The following MKLN1 variants were observed in gnomAD, a reference collection of about 807,000 sequenced individuals.
The protein encoded by MKLN1 is muskelin 1, also known as muskelin.
A neutral mutation model predicts 99.0 loss-of-function variants in MKLN1; 18 were observed. The observed-to-expected ratio is 0.18, with a 90% CI of 0.13 to 0.27. The LOEUF (loss-of-function observed/expected upper bound fraction) is 0.27, where lower values mean the gene tolerates loss of function less well. MKLN1 is among the 10% of genes least tolerant of loss of function. The pLI, the probability that MKLN1 is intolerant of heterozygous loss-of-function variation, is 1.00. For synonymous variants in MKLN1, 288 were observed against 293.2 expected (o/e 0.98, Z 0.18); for missense variants, 621 against 875.9 (o/e 0.71, Z 3.67).
intron 3 of MKLN1, among the ~76,000 whole-genome samples, chr7:131,252,110 AAATTAT>A (rs1302219934): frequency 6.6e-6 from 1 of 152,046 alleles, no homozygotes; most frequent in African/African-American, 2.4e-5. Flanking sequence ...CTTTTTTCAC[AAATTAT>A]ATATAGGCCA....
intron 15 of MKLN1, among the ~76,000 whole-genome samples, chr7:131,468,466 TTTG>T (rs1796720428): frequency 6.6e-6 from 1 of 152,190 alleles, no homozygotes; most frequent in Non-Finnish European, 1.5e-5. Context: ...TTATTTTTGT[TTTG>T]TTCGTAATGG....
chr7:131,173,545 C>A (rs1796246856), intron 2 of MKLN1, among the ~76,000 whole-genome samples: 1 of 152,142 alleles, frequency 6.6e-6, no homozygotes, highest in Non-Finnish European at 1.5e-5. Context: ...TTAGTGAAAC[C>A]CCATTTCTAC....
intron 1 of MKLN1, among the ~76,000 whole-genome samples, chr7:131,141,149 C>A (rs1795726886): frequency 6.6e-6 from 1 of 152,120 alleles, no homozygotes; most frequent in South Asian, 2.1e-4. Context: ...CTCCTACACA[C>A]CCTCCCAGGG....
chr7:131,289,328 A>T (rs1798180570), intron 3 of MKLN1, among the ~76,000 whole-genome samples: 1 of 152,322 alleles, frequency 6.6e-6, no homozygotes, highest in Non-Finnish European at 1.5e-5. Flanking sequence ...AAGGATGGTT[A>T]TTAAAACCTA....
intron 2 of MKLN1, among the ~76,000 whole-genome samples, chr7:131,385,644 C>A (rs921847821): frequency 6.6e-6 from 1 of 152,024 alleles, no homozygotes; most frequent in Admixed American, 6.5e-5. Flanking sequence ...TTTTCATGTG[C>A]CTGTTGGCCA....
At chr7:131,290,485 C>G (rs1294421557) in intron 3 of MKLN1, among the ~76,000 whole-genome samples, 1 of 152,178 alleles carries the variant, frequency 6.6e-6, no homozygotes, top group African/African-American at 2.4e-5. Context: ...TGATGTATCC[C>G]AGGTGCCTAG....
intron 2 of MKLN1, among the ~76,000 whole-genome samples, chr7:131,384,571 T>G (rs920866648): frequency 6.6e-6 from 1 of 152,172 alleles, no homozygotes; most frequent in African/African-American, 2.4e-5. Context: ...CCTCCAGAAC[T>G]ATGAGAAAAT....
chr7:131,315,887 C>T (rs1339018530), intron 3 of MKLN1, among the ~76,000 whole-genome samples: 1 of 152,220 alleles, frequency 6.6e-6, no homozygotes, highest in Non-Finnish European at 1.5e-5. Context: ...GCAAAGGTAA[C>T]AGCCCCAGTC....
chr7:131,150,289 C>A (rs1376303137), intron 2 of MKLN1, among the ~76,000 whole-genome samples: 2 of 152,126 alleles, frequency 1.3e-5, no homozygotes, highest in African/African-American at 4.8e-5. Flanking sequence ...ATAATGATTT[C>A]AAGCCTAGGC....
At chr7:131,208,133 C>A (rs1018785686) in intron 3 of MKLN1, among the ~76,000 whole-genome samples, 1 of 152,096 alleles carries the variant, frequency 6.6e-6, no homozygotes, top group Non-Finnish European at 1.5e-5. Flanking sequence ...TTGATAACTG[C>A]ACTGAAAGAG....
At chr7:131,274,588 G>A (rs1179613712) in intron 3 of MKLN1, among the ~76,000 whole-genome samples, 1 of 144,576 alleles carries the variant, frequency 6.9e-6, no homozygotes, top group Non-Finnish European at 1.5e-5. Context: ...AGGCTGCAGT[G>A]AACCATGATT....
chr7:131,241,469 G>A (rs1438612218), intron 3 of MKLN1, among the ~76,000 whole-genome samples: 1 of 151,544 alleles, frequency 6.6e-6, no homozygotes, highest in Non-Finnish European at 1.5e-5. Flanking sequence ...CACTTTGGGA[G>A]GCCAAGGTGG....
intron 1 of MKLN1, among the ~76,000 whole-genome samples, chr7:131,127,956 G>C (rs776827215): frequency 2.3e-4 from 35 of 152,094 alleles, no homozygotes; most frequent in Non-Finnish European, 4.6e-4. Context: ...AAGTAACCAG[G>C]GAAAAAGGGA....
intron 12 of MKLN1, among the ~76,000 whole-genome samples, chr7:131,461,785 A>G (rs574887573): frequency 1.4e-4 from 21 of 152,204 alleles, no homozygotes; most frequent in Non-Finnish European, 2.2e-4. Context: ...GATCATGACA[A>G]TTATGTTGTG....
At chr7:131,373,494 T>C (rs1793532440) in intron 1 of MKLN1, among the ~76,000 whole-genome samples, 1 of 152,170 alleles carries the variant, frequency 6.6e-6, no homozygotes, top group African/African-American at 2.4e-5. Flanking sequence ...GGCAGTTCTT[T>C]TCCATACACT....
intron 3 of MKLN1, among the ~76,000 whole-genome samples, chr7:131,248,074 A>ATTATTTAT (rs71527998): frequency 4.0e-4 from 23 of 57,254 alleles, no homozygotes; most frequent in Non-Finnish European, 7.3e-4. Flanking sequence ...AATTACATTT[A>ATTATTTAT]TTATTTATTT....
chr7:131,191,250 A>G (rs1016735637), intron 2 of MKLN1, among the ~76,000 whole-genome samples: 8 of 152,214 alleles, frequency 5.3e-5, no homozygotes, highest in Admixed American at 3.9e-4. Flanking sequence ...GGATCTCTTG[A>G]GATGTGGGAA....
At position 131,255,010 on chromosome 7, in the gene MKLN1, G is replaced by T. The variant is rs532457988; in HGVS notation, c.-179+52036G>T. 7.2e-5 allele frequency among the ~76,000 whole-genome samples: 11 copies of T among 152,120 alleles called. No homozygotes were observed. The East Asian group carries it at 7.7e-4, about 11-fold the overall frequency. On this transcript the variant is annotated intron_variant, in intron 3 of 7. Transcript: ENST00000416992. ...GGGCTCAAGGGATCCTCCTTCCTCA[G>T]CCTCCAGAGCTGGGAATACAGGCAT...
In MKLN1 at chr7:131,490,373, A is replaced by C. The variant is rs1172326464; in HGVS notation, c.*2645A>C. 2 of 152,562 alleles carry C rather than the reference A, an allele frequency of 1.3e-5. No homozygotes were observed. Among genetic ancestry groups the C allele is most frequent in the African/African-American group, 4.8e-5 (2 of 41,436 alleles). The allele number at this position is 152,562 out of a possible 1,614,324, so 9.5% of individuals were successfully genotyped here. A position where few individuals can be genotyped will look rare whatever the true frequency, so the allele number is the denominator to read the frequency against. ...GTATAATACATTGTTTTCAACCAGA[A>C]ATTAAAGTAGATATCCAACATTATT... On this transcript the variant is annotated 3_prime_UTR_variant, in exon 18 of 18. Coordinates refer to ENST00000352689, the MANE Select transcript of MKLN1 (RefSeq NM_013255.5).
Sources: gnomAD v4.1 joint callset for allele counts (sites outside exome capture counted in the v4.1 genomes callset) on GRCh38, gnomAD v4.1.1 for gene constraint, MANE v1.5 for transcripts, NCBI Gene and HGNC (gene_info 2026-07-23, HGNC 2026-07-21) for gene names.